The following PDE8A variants were observed in gnomAD, a reference collection of about 807,000 sequenced individuals.
PDE8A encodes phosphodiesterase 8A, also known as high affinity cAMP-specific and IBMX-insensitive 3',5'-cyclic phosphodiesterase 8A.
A neutral mutation model predicts 105.0 loss-of-function variants in PDE8A; 59 were observed. The ratio of observed to expected loss-of-function variants is 0.56; its 90% confidence interval spans 0.46 to 0.70. The LOEUF (loss-of-function observed/expected upper bound fraction) is 0.70. Ranked by LOEUF, PDE8A falls within the 30% of genes least tolerant of loss-of-function variation. The probability of loss-of-function intolerance (pLI) is 0.00; values close to 1 mark genes in which losing one functional copy is unlikely to be tolerated. For synonymous variants in PDE8A, 355 were observed against 371.9 expected, an observed-to-expected ratio of 0.95 and a Z score of 0.52; for missense variants, 1,014 against 1,045.9, an observed-to-expected ratio of 0.97 and a Z score of 0.42.
chr15:85,097,642 T>C (rs1032907347), intron 8 of PDE8A, among the ~76,000 whole-genome samples: 2 of 152,108 alleles, frequency 1.3e-5, no homozygotes, highest in Non-Finnish European at 2.9e-5. Flanking sequence ...GTGGGAGTTA[T>C]GAGAGGAGGA....
intron 6 of PDE8A, among the ~76,000 whole-genome samples, chr15:85,088,309 G>A (rs1596505310): frequency 1.3e-5 from 2 of 152,184 alleles, no homozygotes; most frequent in Non-Finnish European, 2.9e-5. Context: ...AGGGGCATGA[G>A]CCACTACCCC....
At chr15:85,103,619 A>G (rs1001035491) in intron 11 of PDE8A, among the ~76,000 whole-genome samples, 1 of 152,236 alleles carries the variant, frequency 6.6e-6, no homozygotes, top group Non-Finnish European at 1.5e-5. Flanking sequence ...AGGGTTGCTT[A>G]TAGATTGGAC....
intron 8 of PDE8A, among the ~76,000 whole-genome samples, chr15:85,095,946 G>T (rs2081742973): frequency 4.0e-5 from 6 of 151,562 alleles, no homozygotes; most frequent in Admixed American, 2.6e-4. Context: ...TCACCAGGCT[G>T]CTCACTGCAA....
chr15:84,981,206 C>T (rs2079701366), upstream of PDE8A, among the ~76,000 whole-genome samples: 1 of 152,234 alleles, frequency 6.6e-6, no homozygotes, highest in Non-Finnish European at 1.5e-5. Flanking sequence ...AGTCTCTTTC[C>T]TTCTCTGGGT....
At chr15:85,097,364 A>G (rs528375908) in intron 8 of PDE8A, among the ~76,000 whole-genome samples, 2 of 152,276 alleles carry the variant, frequency 1.3e-5, no homozygotes, top group East Asian at 3.9e-4. Context: ...GTGTCTGATC[A>G]GGAGAGCACA....
chr15:85,007,115 C>G (rs749608671), intron 1 of PDE8A, among the ~76,000 whole-genome samples: 6 of 152,048 alleles, frequency 3.9e-5, no homozygotes, highest in African/African-American at 7.2e-5. Flanking sequence ...TGTCCAGTAG[C>G]TACTGATGAG....
intron 1 of PDE8A, among the ~76,000 whole-genome samples, chr15:85,040,036 G>A (rs2080775328): frequency 6.6e-6 from 1 of 151,974 alleles, no homozygotes; most frequent in African/African-American, 2.4e-5. Flanking sequence ...GTATAGCAAG[G>A]AGATTGCAGT....
chr15:85,083,741 G>T (rs1054132941), intron 6 of PDE8A, 97 bp downstream of exon 6: 2 of 754,170 alleles, frequency 2.7e-6, no homozygotes, highest in African/African-American at 3.5e-5. Flanking sequence ...ATGGCCTCTT[G>T]CAGAAATGGG....
At chr15:85,046,966 T>G (rs559668781) in intron 1 of PDE8A, among the ~76,000 whole-genome samples, 1 of 152,200 alleles carries the variant, frequency 6.6e-6, no homozygotes, top group African/African-American at 2.4e-5. Context: ...TTGTCTGATA[T>G]CCTAATATTA....
chr15:85,097,220 A>G (rs867428348), intron 8 of PDE8A, among the ~76,000 whole-genome samples: 2 of 152,232 alleles, frequency 1.3e-5, no homozygotes, highest in Middle Eastern at 6.8e-3. Context: ...GACAAAACCC[A>G]GCTCCATCCT....
At chr15:85,006,257 GTAT>G (rs1364252291) in intron 1 of PDE8A, among the ~76,000 whole-genome samples, 1 of 151,612 alleles carries the variant, frequency 6.6e-6, no homozygotes, top group Non-Finnish European at 1.5e-5. Context: ...AAAACTTAAA[GTAT>G]TATTATTATA....
intron 1 of PDE8A, among the ~76,000 whole-genome samples, chr15:85,027,658 A>G (rs1567236476): frequency 6.6e-6 from 1 of 152,232 alleles, no homozygotes; most frequent in Non-Finnish European, 1.5e-5. Context: ...GAATAGTGCG[A>G]TTAAATGGTA....
chr15:85,104,329 G>A (rs574836437), intron 11 of PDE8A, among the ~76,000 whole-genome samples: 1 of 152,304 alleles, frequency 6.6e-6, no homozygotes, highest in South Asian at 2.1e-4. Flanking sequence ...TAGGGGTCAT[G>A]CAGAGGACAA....
chr15:84,996,920 G>C (rs1032498186), intron 1 of PDE8A, among the ~76,000 whole-genome samples: 1 of 150,770 alleles, frequency 6.6e-6, no homozygotes, highest in African/African-American at 2.4e-5. Flanking sequence ...GAGTGAGTCA[G>C]TGAATGAGTG....
Position 85,067,001 on chromosome 15 carries a change from T to C in PDE8A, c.244-13T>C, listed in dbSNP as rs1199336368. On this transcript the variant is annotated splice_polypyrimidine_tract_variant and intron_variant, in intron 2 of 21. Coordinates refer to ENST00000394553, the MANE Select transcript of PDE8A (RefSeq NM_002605.3). ...CTTTTTTTAAAAAAAGTGTTTGTGC[T>C]CTTTTGATTCAGGTACTTTTAGTGT... 6.4e-7 allele frequency: 1 copy of C among 1,556,134 alleles called. No individual in the cohort carries two copies. Among genetic ancestry groups the C allele is most frequent in the Non-Finnish European group, 8.7e-7 (1 of 1,147,128 alleles).
chr15:85,086,166 C>T (rs1290629404), intron 6 of PDE8A, among the ~76,000 whole-genome samples: 2 of 152,100 alleles, frequency 1.3e-5, no homozygotes, highest in Admixed American at 1.3e-4. Flanking sequence ...TCATGTCCTA[C>T]CCGCAAAATG....
chr15:85,010,955 C>T (rs1456551117), intron 1 of PDE8A, among the ~76,000 whole-genome samples: 1 of 152,098 alleles, frequency 6.6e-6, no homozygotes, highest in African/African-American at 2.4e-5. Flanking sequence ...TCATGACAAT[C>T]CTAAGGTCAA....
At chr15:85,015,455 G>A (rs1596444741) in intron 1 of PDE8A, among the ~76,000 whole-genome samples, 1 of 152,246 alleles carries the variant, frequency 6.6e-6, no homozygotes, top group East Asian at 1.9e-4. Flanking sequence ...CAACCCACCT[G>A]CCTCAGCCTC....
chr15:85,042,921 G>T (rs148686509), intron 1 of PDE8A, among the ~76,000 whole-genome samples: 2 of 152,330 alleles, frequency 1.3e-5, no homozygotes, highest in East Asian at 3.9e-4. Context: ...TATGGGAACT[G>T]TGGGTGATTC....
Sources: allele counts gnomAD v4.1 joint callset (sites outside exome capture counted in the v4.1 genomes callset), GRCh38; gene constraint gnomAD v4.1.1; transcripts MANE v1.5; gene names NCBI Gene and HGNC (gene_info 2026-07-23, HGNC 2026-07-21).